Variants in KATNIP observed in about 807,000 individuals in gnomAD.
The protein encoded by KATNIP is katanin interacting protein, also known as katanin-interacting protein.
Under a neutral mutation model 174.0 loss-of-function variants are expected in KATNIP, and 126 were observed. The observed-to-expected ratio is 0.72, with a 90% confidence interval of 0.63 to 0.84. The LOEUF (loss-of-function observed/expected upper bound fraction) is 0.84, where lower values mean the gene tolerates loss of function less well. Among genes scored for constraint, KATNIP ranks in the 40% least tolerant of loss-of-function variants. The pLI is 0.00. For synonymous variants in KATNIP, 810 were observed against 835.7 expected, an observed-to-expected ratio of 0.97 and a Z score of 0.53; for missense variants, 1,958 against 2,109.7, an observed-to-expected ratio of 0.93 and a Z score of 1.41.
chr16:27,701,679 G>T lies in KATNIP; in HGVS notation c.1270G>T (p.Gly424Trp). The change falls in exon 11 of 28, where the codon GGG becomes TGG. Residue 424 changes from glycine (G) to tryptophan (W), a missense_variant. By Grantham distance (184) the Gly-to-Trp change is radical. Around this residue, in one of 3 missense-constraint regions of KATNIP, gnomAD observed 1,557 missense variants for 1,617.8 expected, o/e 0.96. Transcript: ENST00000261588. ...RAINQAMDRI[G>W]LLGSRQQQKL... is the part of the protein sequence containing the mutation. The stretch of plus-strand genomic sequence containing the variant: ...CATCAACCAGGCCATGGACAGAATT[G>T]GGCTTCTGGGAAGCAGGTACTACTA... 2 of 1,602,516 alleles carry T rather than the reference G, an allele frequency of 1.2e-6. No individual in the cohort carries two copies. The highest frequency in any genetic ancestry group is 1.7e-6 in the Non-Finnish European group (2 of 1,174,880).
At chr16:27,773,512 C>T (rs1473575899) in intron 23 of KATNIP, among the ~76,000 whole-genome samples, 1 of 152,202 alleles carries the variant, frequency 6.6e-6, no homozygotes, top group East Asian at 1.9e-4. Flanking sequence ...TTTGGAGTTC[C>T]AAAGGCTCTG....
Position 27,644,843 on chromosome 16 carries a change from T to C in KATNIP, c.409-3761T>C, listed in dbSNP as rs779143159. ...CCTTGAGTACCCCTTTTGTGAGTCT[T>C]GGAGTTCATGCACATACTCTGTGTC... On this transcript the variant is annotated intron_variant, in intron 5 of 27. Transcript: ENST00000261588. Among the ~76,000 whole-genome samples, 13 of 152,158 alleles carry C rather than the reference T, an allele frequency of 8.5e-5. 1 individual carries two copies. Among genetic ancestry groups the C allele is most frequent in the Non-Finnish European group, 1.8e-4 (12 of 68,006 alleles).
intron 1 of KATNIP, among the ~76,000 whole-genome samples, chr16:27,572,762 A>G (rs1490233331): frequency 6.6e-6 from 1 of 152,206 alleles, no homozygotes; most frequent in African/African-American, 2.4e-5. Flanking sequence ...CTGACCAGAT[A>G]AACCAAAAGA....
chr16:27,769,757 C>T lies in KATNIP; in HGVS notation c.3976-104C>T, dbSNP rs1597416684. Reference sequence around the variant, plus strand: ...CGGTCAGGTGGCTCTGCGAAAGGCTCCCCATGGTGAGCACAGCTGCCAGCA... The same window carrying T: ...CGGTCAGGTGGCTCTGCGAAAGGCTTCCCATGGTGAGCACAGCTGCCAGCA... On this transcript the variant is annotated intron_variant, in intron 20 of 27. Coordinates refer to ENST00000261588, the MANE Select transcript of KATNIP (RefSeq NM_015202.5). 4 of 1,395,314 alleles carry T rather than the reference C, an allele frequency of 2.9e-6. No homozygotes were observed. The African/African-American group carries it at 5.6e-5, about 20-fold the overall frequency. 86.4% of individuals were successfully genotyped at this position (1,395,314 alleles called of 1,614,324 possible).
At chr16:27,753,994 G>A (rs536638276) in intron 17 of KATNIP, among the ~76,000 whole-genome samples, 179 bp from the exon 18 acceptor site, 1 of 152,130 alleles carries the variant, frequency 6.6e-6, no homozygotes, top group Non-Finnish European at 1.5e-5. Context: ...GGAGGGTCAG[G>A]GTCCGCCCAT....
intron 2 of KATNIP, among the ~76,000 whole-genome samples, chr16:27,580,081 G>A (rs1282580461): frequency 6.6e-6 from 1 of 151,940 alleles, no homozygotes; most frequent in African/African-American, 2.4e-5. Context: ...CTCTCCTCTG[G>A]GTCTTCTGGG....
At chr16:27,672,983 C>T (rs1378334994) in intron 6 of KATNIP, among the ~76,000 whole-genome samples, 10 of 152,188 alleles carry the variant, frequency 6.6e-5, no homozygotes, top group Admixed American at 6.5e-4. Flanking sequence ...TGGACAGTGA[C>T]AGCAGTCTCC....
At chr16:27,569,870 G>C (rs1388151798) in intron 1 of KATNIP, among the ~76,000 whole-genome samples, 1 of 152,136 alleles carries the variant, frequency 6.6e-6, no homozygotes, top group African/African-American at 2.4e-5. Flanking sequence ...ATTAACTCCA[G>C]TAGAAAGATT....
At position 27,761,404 on chromosome 16, in the gene KATNIP, C is replaced by G. The variant is rs1597396925; in HGVS notation, c.3632-9C>G. 2 of 1,601,640 alleles carry G rather than the reference C, an allele frequency of 1.2e-6. No individual in the cohort carries two copies. The highest frequency in any genetic ancestry group is 1.7e-6 in the Non-Finnish European group (2 of 1,173,472). On this transcript the variant is annotated splice_polypyrimidine_tract_variant and intron_variant, in intron 18 of 27. Coordinates refer to ENST00000261588, the MANE Select transcript of KATNIP (RefSeq NM_015202.5). ...TGGTGCTAATGGGCCACTTCTCTTCCTGTTGCAGGCCTTCAGCTGAATTTC... is the reference window on the plus strand; with the variant it reads ...TGGTGCTAATGGGCCACTTCTCTTCGTGTTGCAGGCCTTCAGCTGAATTTC...
chr16:27,690,117 A>T (rs149509935), intron 8 of KATNIP, among the ~76,000 whole-genome samples: 226 of 152,148 alleles, frequency 1.5e-3, no homozygotes, highest in African/African-American at 4.8e-3. Context: ...AGCCTGGGCA[A>T]CAAAGTGATA....
chr16:27,698,881 G>T (rs1041499461), intron 9 of KATNIP, among the ~76,000 whole-genome samples: 18 of 152,176 alleles, frequency 1.2e-4, no homozygotes, highest in Non-Finnish European at 2.4e-4. Context: ...GGCCCTTCAG[G>T]CCTCCGCAGT....
chr16:27,760,041 G>T (rs896056322), intron 18 of KATNIP, among the ~76,000 whole-genome samples: 1 of 152,150 alleles, frequency 6.6e-6, no homozygotes, highest in African/African-American at 2.4e-5. Flanking sequence ...AGATGTCAGG[G>T]GCGTGGGAGA....
At chr16:27,753,430 C>T (rs948974425) in intron 17 of KATNIP, among the ~76,000 whole-genome samples, 3 of 152,116 alleles carry the variant, frequency 2.0e-5, no homozygotes, top group South Asian at 2.1e-4. Context: ...ATGGGCCCAG[C>T]GCTGTGAGGG....
intron 1 of KATNIP, 93 bp from the exon 2 acceptor site, chr16:27,573,808 A>G (rs2090389440): frequency 1.8e-6 from 2 of 1,125,556 alleles, no homozygotes; most frequent in African/African-American, 1.5e-5. Context: ...GATTGGTCCC[A>G]TCTATTCAGT....
intron 14 of KATNIP, among the ~76,000 whole-genome samples, chr16:27,732,306 G>A (rs2080724493): frequency 6.6e-6 from 1 of 152,086 alleles, no homozygotes; most frequent in African/African-American, 2.4e-5. Context: ...CTGTCCCTTC[G>A]AGGAAATTAA....
At chr16:27,737,452 G>C (rs377608774) in intron 14 of KATNIP, among the ~76,000 whole-genome samples, 1 of 152,180 alleles carries the variant, frequency 6.6e-6, no homozygotes, top group Non-Finnish European at 1.5e-5. Context: ...TCCAGGAAGA[G>C]AGGCCAAGCA....
chr16:27,762,675 G>C (rs926730617), intron 19 of KATNIP, among the ~76,000 whole-genome samples: 1 of 152,218 alleles, frequency 6.6e-6, no homozygotes, highest in Non-Finnish European at 1.5e-5. Context: ...CTCATGCAGA[G>C]TTGGTGGCAG....
At chr16:27,634,856 A>G (rs773877648) in intron 5 of KATNIP, among the ~76,000 whole-genome samples, 12 of 152,188 alleles carry the variant, frequency 7.9e-5, no homozygotes, top group Non-Finnish European at 1.2e-4. Context: ...GTTTCAGCAG[A>G]GAGAGAGATT....
intron 17 of KATNIP, among the ~76,000 whole-genome samples, chr16:27,753,934 A>G (rs1299775184): frequency 1.3e-5 from 2 of 152,092 alleles, no homozygotes; most frequent in Non-Finnish European, 2.9e-5. Context: ...AGCTGTTAGC[A>G]TCAGGCTCCT....
Sources: allele counts gnomAD v4.1 joint callset (sites outside exome capture counted in the v4.1 genomes callset), GRCh38; gene constraint gnomAD v4.1.1; regional missense constraint gnomAD v4.1.1; transcripts MANE v1.5; gene names NCBI Gene and HGNC (gene_info 2026-07-23, HGNC 2026-07-21).